MEIS1: variants seen among roughly 807,000 people sequenced by gnomAD.
MEIS1 encodes the protein Meis homeobox 1, also known as homeobox protein Meis1.
MEIS1 carries 5 observed loss-of-function variants against 50.8 expected under a neutral mutation model. The ratio of observed to expected loss-of-function variants is 0.10; its 90% CI spans 0.05 to 0.21. The LOEUF is 0.21. Ranked by LOEUF, MEIS1 falls within the 10% of genes least tolerant of loss-of-function variation. The probability of loss-of-function intolerance (pLI) is 1.00; values close to 1 mark genes in which losing one functional copy is unlikely to be tolerated. For synonymous variants in MEIS1, 176 were observed against 179.3 expected, an observed-to-expected ratio of 0.98 and a Z score of 0.15; for missense variants, 318 against 517.3, an observed-to-expected ratio of 0.61 and a Z score of 3.74.
intron 2 of MEIS1, chr2:66,439,601 C>A (rs750958478): frequency 1.3e-6 from 2 of 1,536,330 alleles, no homozygotes; most frequent in South Asian, 2.4e-5. Flanking sequence ...CGGCCAGATA[C>A]GCTAAACCGA....
chr2:66,543,232 A>G (rs766484459), intron 8 of MEIS1, among the ~76,000 whole-genome samples: 3 of 152,178 alleles, frequency 2.0e-5, no homozygotes, highest in Non-Finnish European at 4.4e-5. Context: ...TTTCTTTTAT[A>G]CAGGATCCTA....
At chr2:66,503,949 GTTAGCCAGGA>G in intron 7 of MEIS1, among the ~76,000 whole-genome samples, 1 of 151,874 alleles carries the variant, frequency 6.6e-6, no homozygotes, top group East Asian at 1.9e-4. Flanking sequence ...GTTTCACCTT[GTTAGCCAGGA>G]TGGTCTCGAT....
intron 8 of MEIS1, among the ~76,000 whole-genome samples, chr2:66,525,562 C>T (rs1347185959): frequency 1.3e-5 from 2 of 152,176 alleles, no homozygotes; most frequent in Non-Finnish European, 2.9e-5. Context: ...TATTTTTTCT[C>T]TGCCAACTTT....
intron 7 of MEIS1, among the ~76,000 whole-genome samples, chr2:66,495,671 G>T (rs1673384474): frequency 1.3e-5 from 2 of 152,136 alleles, no homozygotes; most frequent in African/African-American, 4.8e-5. Flanking sequence ...TGAGGAAAAT[G>T]CAGGAAACGC....
chr2:66,465,749 T>C (rs779822422), intron 7 of MEIS1, among the ~76,000 whole-genome samples: 2 of 152,238 alleles, frequency 1.3e-5, no homozygotes, highest in Non-Finnish European at 2.9e-5. Flanking sequence ...ACTGCTGAAA[T>C]GCACTTGAAT....
intron 8 of MEIS1, among the ~76,000 whole-genome samples, chr2:66,531,744 G>A (rs1255287643): frequency 1.3e-5 from 2 of 152,174 alleles, no homozygotes; most frequent in African/African-American, 2.4e-5. Flanking sequence ...GATTGGCTGC[G>A]GACGAAGGCC....
chr2:66,542,900 A>C (rs1300847522), intron 8 of MEIS1, among the ~76,000 whole-genome samples: 1 of 152,232 alleles, frequency 6.6e-6, no homozygotes, highest in Non-Finnish European at 1.5e-5. Context: ...CAAAGATATT[A>C]AGGTGTAAAG....
chr2:66,550,185 G>A (rs1674886125), intron 9 of MEIS1, among the ~76,000 whole-genome samples: 1 of 152,036 alleles, frequency 6.6e-6, no homozygotes, highest in Non-Finnish European at 1.5e-5. Context: ...TAGTTATTTG[G>A]GACAGAAACA....
At chr2:66,456,687 G>A (rs1573138378) in intron 6 of MEIS1, among the ~76,000 whole-genome samples, 2 of 152,352 alleles carry the variant, frequency 1.3e-5, no homozygotes, top group East Asian at 3.9e-4. Flanking sequence ...GCAAAGGTAA[G>A]CGAGTGAGGG....
intron 8 of MEIS1, among the ~76,000 whole-genome samples, chr2:66,545,667 G>A (rs1674772722): frequency 6.6e-6 from 1 of 152,116 alleles, no homozygotes; most frequent in Non-Finnish European, 1.5e-5. Flanking sequence ...CATTTGGTTT[G>A]TATTGTGTGC....
intron 7 of MEIS1, among the ~76,000 whole-genome samples, chr2:66,510,936 A>G (rs1673813509): frequency 6.6e-6 from 1 of 152,216 alleles, no homozygotes; most frequent in Admixed American, 6.5e-5. Flanking sequence ...TTGTCTTACC[A>G]AAGTTTCAGG....
chr2:66,452,977 A>G (rs1672309122), intron 6 of MEIS1, among the ~76,000 whole-genome samples: 1 of 152,076 alleles, frequency 6.6e-6, no homozygotes, highest in Admixed American at 6.5e-5. Flanking sequence ...TAATTATTCA[A>G]AGGCAGTAAC....
intron 7 of MEIS1, chr2:66,508,779 T>G (rs1331028153): frequency 3.3e-6 from 1 of 299,062 alleles, no homozygotes; most frequent in African/African-American, 2.2e-5. Context: ...AAAGTCGCCC[T>G]ATGGCATTTC....
At chr2:66,568,516 G>GGTGGC in intron 10 of MEIS1, 151 bp from the exon 11 acceptor site, 4 of 562,312 alleles carry the variant, frequency 7.1e-6, no homozygotes, top group Admixed American at 2.9e-5. Flanking sequence ...GATCTAGTCT[G>GGTGGC]AGAGAAATTT....
At chr2:66,444,739 G>A (rs1269533171) in intron 6 of MEIS1, among the ~76,000 whole-genome samples, 1 of 152,214 alleles carries the variant, frequency 6.6e-6, no homozygotes, top group African/African-American at 2.4e-5. Flanking sequence ...TTCTGCTGAG[G>A]AACCCTCGAG....
intron 7 of MEIS1, among the ~76,000 whole-genome samples, chr2:66,508,039 C>T (rs1673726269): frequency 6.6e-6 from 1 of 152,194 alleles, no homozygotes; most frequent in Non-Finnish European, 1.5e-5. Context: ...AAAAACAATT[C>T]TTAAATATTA....
chr2:66,525,411 G>C (rs773275075), intron 8 of MEIS1, among the ~76,000 whole-genome samples: 6 of 152,140 alleles, frequency 3.9e-5, no homozygotes, highest in Non-Finnish European at 5.9e-5. Flanking sequence ...GCATAGAAAG[G>C]ATCTAAGGTA....
intron 9 of MEIS1, among the ~76,000 whole-genome samples, chr2:66,556,027 T>A (rs1675055754): frequency 6.6e-6 from 1 of 152,066 alleles, no homozygotes; most frequent in East Asian, 1.9e-4. Context: ...CGTTTTTGAT[T>A]TTCAAGGGGA....
intron 8 of MEIS1, among the ~76,000 whole-genome samples, chr2:66,536,206 G>C (rs1467088564): frequency 2.0e-5 from 3 of 152,200 alleles, no homozygotes; most frequent in Non-Finnish European, 4.4e-5. Context: ...AGTAGTCAGA[G>C]AGGATTTCTG....
Sources: allele counts gnomAD v4.1 joint callset (sites outside exome capture counted in the v4.1 genomes callset), GRCh38; gene constraint gnomAD v4.1.1; transcripts MANE v1.5; gene names NCBI Gene and HGNC (gene_info 2026-07-23, HGNC 2026-07-21).